WDPCP: variants seen among roughly 807,000 people sequenced by gnomAD.
WDPCP encodes the protein WD repeat-containing and planar cell polarity effector protein fritz homolog.
WDPCP carries 71 observed loss-of-function variants against 93.1 expected under a neutral mutation model. The ratio of observed to expected loss-of-function variants is 0.76; its 90% CI spans 0.63 to 0.93. WDPCP has a LOEUF of 0.93. WDPCP is among the 40% of genes least tolerant of loss of function. WDPCP has a pLI of 0.00. For missense variants in WDPCP, 844 were observed against 887.4 expected, an observed-to-expected ratio of 0.95 and a Z score of 0.62; for synonymous variants, 315 against 315.0, an observed-to-expected ratio of 1.00 and a Z score of 0.00.
chr2:63,415,794 A>G (rs149791038), intron 9 of WDPCP, among the ~76,000 whole-genome samples: 30 of 152,334 alleles, frequency 2.0e-4, no homozygotes, highest in African/African-American at 7.0e-4. Context: ...AAGAAAGAAG[A>G]GTGAGAAAAA....
chr2:63,358,083 G>A (rs747089323), intron 12 of WDPCP, among the ~76,000 whole-genome samples: 5 of 152,210 alleles, frequency 3.3e-5, no homozygotes, highest in Admixed American at 1.3e-4. Context: ...GGGTCTACTT[G>A]AGGGTGGAGG....
chr2:63,717,076 G>A (rs1289164292), intron 2 of WDPCP: 2 of 279,598 alleles, frequency 7.2e-6, no homozygotes, highest in Admixed American at 9.5e-5. Context: ...TCCTGAGGCA[G>A]CTCTCTTCCC....
chr2:63,741,556 T>C (rs1669713840), intron 2 of WDPCP, among the ~76,000 whole-genome samples: 1 of 152,120 alleles, frequency 6.6e-6, no homozygotes, highest in Non-Finnish European at 1.5e-5. Context: ...GCATCTTAAA[T>C]TTTTTTGGTT....
Position 63,313,262 on chromosome 2 carries a change from G to T in WDPCP, c.1798C>A (p.Arg600Ser). 1 of 1,613,608 alleles carries T rather than the reference G, an allele frequency of 6.2e-7. No individual in the cohort carries two copies. Among genetic ancestry groups the T allele is most frequent in the South Asian group, 1.1e-5 (1 of 91,040 alleles). Residue 600 changes from arginine to serine, a missense_variant, in exon 13 of 18, where the codon CGT becomes AGT. Coordinates refer to ENST00000272321, the MANE Select transcript of WDPCP (RefSeq NM_015910.7). ...AAATGACTCACCATAAAGAGGTCAC[G>T]AGCACCAACGTCAACAGCTAGGAGA... ...AFLLAVDVGA[R>S]DLFMDIHYLA...
chr2:63,188,721 C>G (rs1674819710), intron 14 of WDPCP, among the ~76,000 whole-genome samples: 1 of 151,978 alleles, frequency 6.6e-6, no homozygotes, highest in African/African-American at 2.4e-5. Flanking sequence ...GTTCTGTGTT[C>G]TCTTGTAGGT....
intron 14 of WDPCP, among the ~76,000 whole-genome samples, chr2:63,189,843 T>C (rs978062386): frequency 1.3e-5 from 2 of 152,172 alleles, no homozygotes; most frequent in African/African-American, 4.8e-5. Context: ...TTTTCCAGAA[T>C]ATCACTACAT....
At chr2:63,172,083 A>G (rs1170865859) in intron 15 of WDPCP, among the ~76,000 whole-genome samples, 1 of 152,220 alleles carries the variant, frequency 6.6e-6, no homozygotes, top group East Asian at 1.9e-4. Flanking sequence ...TTTGGGGGTG[A>G]TGGAAATGCT....
chr2:63,456,690 A>T (rs936824475), intron 6 of WDPCP, among the ~76,000 whole-genome samples: 3 of 151,982 alleles, frequency 2.0e-5, no homozygotes, highest in Non-Finnish European at 4.4e-5. Flanking sequence ...AAAATAGACT[A>T]AAAAAAATTA....
At chr2:63,798,041 G>A (rs1670641293) in intron 2 of WDPCP, among the ~76,000 whole-genome samples, 1 of 152,060 alleles carries the variant, frequency 6.6e-6, no homozygotes, top group Non-Finnish European at 1.5e-5. Flanking sequence ...TTAAAGTGCT[G>A]AAGGAAAAAA....
intron 2 of WDPCP, among the ~76,000 whole-genome samples, chr2:63,762,785 T>C (rs1474679923): frequency 6.6e-6 from 1 of 152,226 alleles, no homozygotes; most frequent in African/African-American, 2.4e-5. Context: ...AGAACCTTCA[T>C]GATCCAATCA....
chr2:63,262,721 C>T (rs1259283035), intron 13 of WDPCP, among the ~76,000 whole-genome samples: 1 of 152,026 alleles, frequency 6.6e-6, no homozygotes, highest in Non-Finnish European at 1.5e-5. Flanking sequence ...CCTTAATTCT[C>T]TGATTTCTCC....
rs979258146 is a variant in WDPCP, at chr2:63,661,363, T to C, written n.309-10525A>G. On this transcript the variant is annotated intron_variant and non_coding_transcript_variant, in intron 2 of 4. Transcript: ENST00000467687. ...GCTGTTGGGTTCTTGCCACATGCTGTTTCCTTAGTGAGTATTCAGTTAATG... is the reference window on the plus strand; with the variant it reads ...GCTGTTGGGTTCTTGCCACATGCTGCTTCCTTAGTGAGTATTCAGTTAATG... 2.2e-4 allele frequency among the ~76,000 whole-genome samples: 34 copies of C among 152,186 alleles called. 1 individual carries two copies. The highest frequency in any genetic ancestry group is 2.0e-3 in the Admixed American group (30 of 15,276).
intron 2 of WDPCP, among the ~76,000 whole-genome samples, chr2:63,666,117 A>G (rs1710279504): frequency 6.6e-6 from 1 of 152,222 alleles, no homozygotes; most frequent in Non-Finnish European, 1.5e-5. Flanking sequence ...TTTAGATACT[A>G]AGGACCTTTA....
At chr2:63,551,351 G>A (rs1386317332) in intron 1 of WDPCP, among the ~76,000 whole-genome samples, 1 of 152,148 alleles carries the variant, frequency 6.6e-6, no homozygotes, top group Non-Finnish European at 1.5e-5. Flanking sequence ...GGAGGTGTTT[G>A]GGTCATGGGG....
chr2:63,661,208 A>G (rs1301057172), intron 2 of WDPCP, among the ~76,000 whole-genome samples: 1 of 152,206 alleles, frequency 6.6e-6, no homozygotes, highest in East Asian at 1.9e-4. Flanking sequence ...GGCTGCAATG[A>G]AAGTGTCATC....
chr2:63,782,076 A>G (rs1272553036), intron 2 of WDPCP, among the ~76,000 whole-genome samples: 1 of 152,174 alleles, frequency 6.6e-6, no homozygotes, highest in East Asian at 1.9e-4. Flanking sequence ...ACTGCAGCTA[A>G]GTATCACTTT....
At chr2:63,642,214 T>C (rs1709988603) in intron 3 of WDPCP, among the ~76,000 whole-genome samples, 1 of 152,082 alleles carries the variant, frequency 6.6e-6, no homozygotes, top group African/African-American at 2.4e-5. Flanking sequence ...TCTTACCCTA[T>C]CTTGATGTGG....
chr2:63,498,200 C>T (rs939664625), intron 1 of WDPCP, among the ~76,000 whole-genome samples: 3 of 152,142 alleles, frequency 2.0e-5, no homozygotes, highest in Non-Finnish European at 4.4e-5. Context: ...TTTTTAAACA[C>T]CTTTCTAACT....
At chr2:63,334,800 G>C (rs952861802) in intron 12 of WDPCP, among the ~76,000 whole-genome samples, 7 of 148,386 alleles carry the variant, frequency 4.7e-5, no homozygotes, top group African/African-American at 1.8e-4. Context: ...ACACGAACCT[G>C]CCTCCAATTT....
Sources: allele counts gnomAD v4.1 joint callset (sites outside exome capture counted in the v4.1 genomes callset), GRCh38; gene constraint gnomAD v4.1.1; transcripts MANE v1.5; gene names NCBI Gene and HGNC (gene_info 2026-07-23, HGNC 2026-07-21).